The following LRMDA variants were observed in gnomAD, a reference collection of about 807,000 sequenced individuals.
The protein encoded by LRMDA is leucine-rich melanocyte differentiation-associated protein.
A neutral mutation model predicts 29.8 loss-of-function variants in LRMDA; 18 were observed. The observed-to-expected ratio is 0.60, with a 90% CI of 0.42 to 0.90. The LOEUF (loss-of-function observed/expected upper bound fraction) is 0.90. Ranked by LOEUF, LRMDA falls within the 40% of genes least tolerant of loss-of-function variation. LRMDA has a pLI of 0.00. For missense variants in LRMDA, 273 were observed against 273.9 expected (o/e 1.00, Z 0.02); for synonymous variants, 125 against 109.4 (o/e 1.14, Z -0.89).
chr10:76,487,119 C>T (rs777396985), intron 6 of LRMDA, among the ~76,000 whole-genome samples: 3 of 151,908 alleles, frequency 2.0e-5, no homozygotes, highest in Non-Finnish European at 4.4e-5. Context: ...GTTCATGATC[C>T]AGCTGCATGA....
chr10:76,324,150 A>G (rs1390550798), intron 5 of LRMDA, among the ~76,000 whole-genome samples: 1 of 151,918 alleles, frequency 6.6e-6, no homozygotes, highest in Non-Finnish European at 1.5e-5. Context: ...CCCTCCTTTC[A>G]TTTCAGCACA....
At chr10:76,110,224 G>T (rs762777562) in intron 5 of LRMDA, among the ~76,000 whole-genome samples, 1 of 152,204 alleles carries the variant, frequency 6.6e-6, no homozygotes, top group East Asian at 1.9e-4. Flanking sequence ...TGAGTTGGCC[G>T]ATCTGTTCCA....
intron 2 of LRMDA, among the ~76,000 whole-genome samples, chr10:75,726,022 G>T (rs186989660): frequency 6.6e-6 from 1 of 152,302 alleles, no homozygotes; most frequent in South Asian, 2.1e-4. Flanking sequence ...CAAGGGGACC[G>T]TGAAGAGAGT....
intron 2 of LRMDA, among the ~76,000 whole-genome samples, chr10:75,457,752 G>A (rs541941164): frequency 6.6e-6 from 1 of 152,322 alleles, no homozygotes; most frequent in African/African-American, 2.4e-5. Context: ...TTTTCCATCA[G>A]TTACAGGCAA....
chr10:76,546,579 A>G (rs1482450282), intron 6 of LRMDA, among the ~76,000 whole-genome samples: 2 of 152,188 alleles, frequency 1.3e-5, no homozygotes, highest in Admixed American at 1.3e-4. Context: ...TACTTGCCTC[A>G]CTGACCACTT....
chr10:76,385,425 A>G (rs1841647736), intron 6 of LRMDA, among the ~76,000 whole-genome samples: 1 of 152,196 alleles, frequency 6.6e-6, no homozygotes. Flanking sequence ...GGGAGACCCC[A>G]AAAGGTATGA....
chr10:75,720,078 C>T (rs1188038277), intron 2 of LRMDA, among the ~76,000 whole-genome samples: 1 of 152,150 alleles, frequency 6.6e-6, no homozygotes, highest in South Asian at 2.1e-4. Context: ...TTCTACTTAA[C>T]CCTGAATTAC....
chr10:75,870,767 C>A (rs1845095437), intron 2 of LRMDA, among the ~76,000 whole-genome samples: 2 of 152,188 alleles, frequency 1.3e-5, no homozygotes, highest in Non-Finnish European at 2.9e-5. Context: ...CAAACTCCCC[C>A]CTTTCTTGTA....
At chr10:75,534,901 G>A (rs1589172565) in intron 2 of LRMDA, among the ~76,000 whole-genome samples, 1 of 152,064 alleles carries the variant, frequency 6.6e-6, no homozygotes, top group East Asian at 1.9e-4. Context: ...AGTCTTGCTA[G>A]TATGAGCTTA....
intron 6 of LRMDA, among the ~76,000 whole-genome samples, chr10:76,403,658 A>G (rs1313780540): frequency 6.6e-6 from 1 of 152,148 alleles, no homozygotes; most frequent in Non-Finnish European, 1.5e-5. Flanking sequence ...AATTGTTGAT[A>G]ATTATAATTT....
intron 5 of LRMDA, among the ~76,000 whole-genome samples, chr10:76,190,402 G>T (rs1851223639): frequency 6.6e-6 from 1 of 152,136 alleles, no homozygotes; most frequent in African/African-American, 2.4e-5. Context: ...ATGGGAAAAG[G>T]CCACTTTGCC....
At chr10:75,723,143 G>C (rs1430230015) in intron 2 of LRMDA, among the ~76,000 whole-genome samples, 1 of 152,192 alleles carries the variant, frequency 6.6e-6, no homozygotes, top group African/African-American at 2.4e-5. Context: ...TTTGGCATGT[G>C]CCCCTGGGCA....
At chr10:75,582,240 G>T (rs1231914695) in intron 2 of LRMDA, among the ~76,000 whole-genome samples, 1 of 152,212 alleles carries the variant, frequency 6.6e-6, no homozygotes, top group Middle Eastern at 3.2e-3. Context: ...TATCCCCTTT[G>T]CACTGCCCTA....
At chr10:75,928,744 G>A (rs1411351537) in intron 2 of LRMDA, among the ~76,000 whole-genome samples, 5 of 152,120 alleles carry the variant, frequency 3.3e-5, no homozygotes, top group Non-Finnish European at 7.4e-5. Flanking sequence ...AACCACTCAT[G>A]TGGCACTGGG....
Position 75,507,489 on chromosome 10 carries a change from T to G in LRMDA, c.131+68995T>G, listed in dbSNP as rs141350656. 1.4e-3 allele frequency among the ~76,000 whole-genome samples: 209 copies of G among 152,318 alleles called. 1 individual carries two copies. The highest frequency in any genetic ancestry group is 4.5e-3 in the African/African-American group (186 of 41,548). On this transcript the variant is annotated intron_variant, in intron 2 of 6. Transcript: ENST00000611255. ...TCTGATATGGTGTCCCAATGAGTTT[T>G]TTCACTTAAAGGGTCATGTTGAAGT... is the stretch of plus-strand genomic sequence containing the variant.
intron 2 of LRMDA, among the ~76,000 whole-genome samples, chr10:75,761,798 TTTTTTTTTTG>T (rs1344265909): frequency 2.2e-3 from 305 of 141,634 alleles, no homozygotes; most frequent in African/African-American, 8.8e-3. Context: ...ACTTTTGTTT[TTTTTTTTTTG>T]TTTTTTTTTT....
At chr10:75,732,126 T>C (rs558457072) in intron 2 of LRMDA, among the ~76,000 whole-genome samples, 2 of 152,330 alleles carry the variant, frequency 1.3e-5, no homozygotes, top group East Asian at 1.9e-4. Flanking sequence ...GTGTGTGTAA[T>C]AAATTTTTAT....
At chr10:75,767,553 G>A (rs2132232363) in intron 2 of LRMDA, among the ~76,000 whole-genome samples, 1 of 151,770 alleles carries the variant, frequency 6.6e-6, no homozygotes, top group South Asian at 2.1e-4. Context: ...TTTAATGGCA[G>A]TCTTAGTGCT....
At chr10:76,061,699 T>C (rs1848703367) in intron 5 of LRMDA, among the ~76,000 whole-genome samples, 1 of 152,100 alleles carries the variant, frequency 6.6e-6, no homozygotes, top group African/African-American at 2.4e-5. Flanking sequence ...GGGTGTAGTT[T>C]CCTGAGGCTC....
Sources: gnomAD v4.1 joint callset for allele counts (sites outside exome capture counted in the v4.1 genomes callset) on GRCh38, gnomAD v4.1.1 for gene constraint, MANE v1.5 for transcripts, NCBI Gene and HGNC (gene_info 2026-07-23, HGNC 2026-07-21) for gene names.